C22orf31: variants seen among roughly 807,000 people sequenced by gnomAD.
C22orf31 encodes the protein uncharacterized protein C22orf31.
A neutral mutation model predicts 15.0 loss-of-function variants in C22orf31; 11 were observed. That is an observed-to-expected ratio of 0.73 (90% confidence interval 0.46 to 1.21). The LOEUF is 1.21. Among genes scored for constraint, C22orf31 ranks in the 50% most tolerant of loss-of-function variants. The pLI is 0.00. For synonymous variants in C22orf31, 132 were observed against 133.3 expected, an observed-to-expected ratio of 0.99 and a Z score of 0.07; for missense variants, 340 against 347.2, an observed-to-expected ratio of 0.98 and a Z score of 0.17.
the C22orf31 span, among the ~76,000 whole-genome samples, chr22:29,073,678 G>A: frequency 2.2e-5 from 3 of 139,154 alleles, no homozygotes; most frequent in East Asian, 2.2e-4. The surrounding 1 kb of genome is among the most constrained non-coding windows in gnomAD (Gnocchi z 4.4). Flanking sequence ...CCCCCGGGCC[G>A]GGACGTCCTC....
Position 29,060,747 on chromosome 22 carries a change from A to G in C22orf31, c.100T>C (p.Ser34Pro), listed in dbSNP as rs2037382561. The G allele has an allele frequency of 2.5e-6, 4 of 1,614,128 alleles. No individual in the cohort carries two copies. In the South Asian group the frequency reaches 3.3e-5, roughly 13 times the overall value. ...NTRLQDCYVD[S>P]PALTNIWMAR... ...ATCCAGATGTTGGTGAGAGCCGGTG[A>G]GTCCACATAGCAGTCCTGAAGCCTG... Residue 34 changes from serine (S) to proline (P), a missense_variant, in exon 2 of 3, where the codon TCA (serine) becomes CCA (proline). Physicochemically the swap from Ser to Pro is moderately conservative, Grantham distance 74 (BLOSUM62 -1). Transcript: ENST00000216071.
At chr22:29,067,888 A>G in the C22orf31 span, among the ~76,000 whole-genome samples, 3 of 152,030 alleles carry the variant, frequency 2.0e-5, no homozygotes, top group Non-Finnish European at 2.9e-5. Context: ...TGGGATTACA[A>G]ATGTGAGCCA....
At chr22:29,064,726 A>T (rs2123903800), upstream of C22orf31, among the ~76,000 whole-genome samples, 1 of 90,138 alleles carries the variant, frequency 1.1e-5, no homozygotes, top group African/African-American at 4.1e-5. Context: ...TTTTTTGTAG[A>T]GATGAGGTCT....
At chr22:29,064,362 C>T (rs1396695926), upstream of C22orf31, among the ~76,000 whole-genome samples, 1 of 152,112 alleles carries the variant, frequency 6.6e-6, no homozygotes, top group Non-Finnish European at 1.5e-5. Context: ...GAATTCATAC[C>T]CCTGAACCTT....
At chr22:29,063,228 G>A (rs758400846), upstream of C22orf31, among the ~76,000 whole-genome samples, 4 of 152,050 alleles carry the variant, frequency 2.6e-5, no homozygotes, top group South Asian at 2.1e-4. Context: ...GCAGTGGTGC[G>A]ATCTCGGCTC....
At chr22:29,065,041 ATGG>A (rs2037420073), upstream of C22orf31, among the ~76,000 whole-genome samples, 28 of 151,904 alleles carry the variant, frequency 1.8e-4, no homozygotes, top group African/African-American at 6.3e-4. Context: ...TTTAGCAGAG[ATGG>A]GGGTTTCACC....
chr22:29,066,106 T>G (rs1376634227), upstream of C22orf31, among the ~76,000 whole-genome samples: 1 of 152,186 alleles, frequency 6.6e-6, no homozygotes, highest in Non-Finnish European at 1.5e-5. Context: ...TAGCTTCTCT[T>G]AGCTCTTATT....
chr22:29,059,760 TTGTGTGTG>T, intron 2 of C22orf31: 4 of 950,772 alleles, frequency 4.2e-6, no homozygotes, highest in Non-Finnish European at 5.0e-6. Context: ...TGACCACTGG[TTGTGTGTG>T]TGTGTGTGTG....
At position 29,058,798 on chromosome 22, in the gene C22orf31, C is replaced by T. The variant is rs1179995269; in HGVS notation, c.817G>A (p.Gly273Ser). 1.1e-5 allele frequency: 17 copies of T among 1,614,076 alleles called. No individual in the cohort carries two copies. The highest frequency in any genetic ancestry group is 1.4e-5 in the Non-Finnish European group (16 of 1,180,024). Residue 273 changes from glycine (G) to serine (S), a missense_variant, in exon 3 of 3, where the codon GGT becomes AGT. Gly to Ser is a moderately conservative substitution (Grantham distance 56). Coordinates refer to ENST00000216071, the MANE Select transcript of C22orf31 (RefSeq NM_015370.2). Reference protein sequence around the residue: ...RDRFPGRKQPGVHEEPVLKKW... With the variant: ...RDRFPGRKQPSVHEEPVLKKW... Reference sequence around the variant, plus strand: ...TTGAGTACAGGCTCCTCGTGGACACCTGGCTGCTTCCTGCCAGGGAACCGG... The same window carrying T: ...TTGAGTACAGGCTCCTCGTGGACACTTGGCTGCTTCCTGCCAGGGAACCGG...
the C22orf31 span, among the ~76,000 whole-genome samples, chr22:29,073,436 G>A: frequency 4.8e-3 from 732 of 151,992 alleles, 5 homozygotes; most frequent in African/African-American, 0.017. This position sits in a 1 kb window ranked among gnomAD's most constrained non-coding sequence, Gnocchi z 4.4. Flanking sequence ...CCCGGGCCCG[G>A]TACTGTCCCC....
chr22:29,072,256 T>C, the C22orf31 span, among the ~76,000 whole-genome samples: 1 of 152,136 alleles, frequency 6.6e-6, no homozygotes, highest in African/African-American at 2.4e-5. Context: ...GCGATCCTCC[T>C]GCTTCAGTCT....
At chr22:29,065,462 T>A (rs761826659), upstream of C22orf31, among the ~76,000 whole-genome samples, 1 of 152,136 alleles carries the variant, frequency 6.6e-6, no homozygotes, top group Non-Finnish European at 1.5e-5. Context: ...GGCCAAGCAA[T>A]GAGCCTCTTG....
At position 29,059,079 on chromosome 22, in the gene C22orf31, C is replaced by T. The variant is rs267606214; in HGVS notation, c.536G>A (p.Gly179Glu). 1 of 1,614,198 alleles carries T rather than the reference C, an allele frequency of 6.2e-7. No homozygotes were observed. Among genetic ancestry groups the T allele is most frequent in the Non-Finnish European group, 8.5e-7 (1 of 1,180,026 alleles). ...CACTCGGCCCTTCCAGGCTGCTGTC[C>T]CACTGTCCTGGGGTAGCGCTTGGGT... is the stretch of plus-strand genomic sequence containing the variant. ...AATQALPQDSGTAAWKGRVLL... is the reference protein window; with the variant it reads ...AATQALPQDSETAAWKGRVLL... The change falls in exon 3 of 3, where the codon GGG becomes GAG. Residue 179 changes from glycine to glutamate, a missense_variant. By Grantham distance (98) the Gly-to-Glu change is moderately conservative (BLOSUM62 -2). Coordinates refer to ENST00000216071, the MANE Select transcript of C22orf31 (RefSeq NM_015370.2).
chr22:29,060,288 C>T (rs940661472), intron 2 of C22orf31, 127 bp downstream of exon 2: 29 of 901,456 alleles, frequency 3.2e-5, no homozygotes, highest in Admixed American at 1.7e-4. Context: ...CCTGCTTGGC[C>T]TCCCAAAGTG....
chr22:29,066,557 T>C (rs1258323550), upstream of C22orf31, among the ~76,000 whole-genome samples: 1,130 of 82,816 alleles, frequency 0.014, 20 homozygotes, highest in South Asian at 0.13. Context: ...TTTTTTTTTT[T>C]TTTTTTTTTT....
intron 2 of C22orf31, chr22:29,059,632 G>T: frequency 1.1e-6 from 1 of 950,602 alleles, no homozygotes; most frequent in Non-Finnish European, 1.3e-6. Context: ...ATTACAGTCC[G>T]AGTTGGGATT....
intron 1 of C22orf31, among the ~76,000 whole-genome samples, 193 bp downstream of exon 1, chr22:29,061,597 A>G (rs2037392783): frequency 2.0e-5 from 3 of 152,142 alleles, no homozygotes; most frequent in Non-Finnish European, 4.4e-5. Flanking sequence ...GCCATGCACC[A>G]AGAAGAGCTC....
chr22:29,065,945 T>A (rs1453653764), upstream of C22orf31, among the ~76,000 whole-genome samples: 2 of 152,222 alleles, frequency 1.3e-5, no homozygotes, highest in Admixed American at 1.3e-4. Context: ...GAGCTGTGCT[T>A]CCTGACATAT....
Position 29,059,031 on chromosome 22 carries a change from C to G in C22orf31, c.584G>C (p.Arg195Thr), listed in dbSNP as rs752368086. ...TAGCGTGTCCTCCGACAACTGCTGT[C>G]TCTTTTGGGTTTCAGGAAGCAACAC... ...GRVLLPETQK[R>T]QQLSEDTLTI... is the part of the protein sequence containing the mutation. Residue 195 changes from arginine (R) to threonine (T), a missense_variant, in exon 3 of 3, where the codon AGA (arginine) becomes ACA (threonine). By Grantham distance (71) the Arg-to-Thr change is moderately conservative. Coordinates refer to ENST00000216071, the MANE Select transcript of C22orf31 (RefSeq NM_015370.2). 1.3e-5 allele frequency: 21 copies of G among 1,614,122 alleles called. No homozygotes were observed. The highest frequency in any genetic ancestry group is 5.3e-5 in the African/African-American group (4 of 74,944).
Sources: allele counts gnomAD v4.1 joint callset (sites outside exome capture counted in the v4.1 genomes callset), GRCh38; gene constraint gnomAD v4.1.1; non-coding constraint Gnocchi (gnomAD v3.1); transcripts MANE v1.5; gene names NCBI Gene and HGNC (gene_info 2026-07-23, HGNC 2026-07-21).